The following GGA3 variants were observed in gnomAD, a reference collection of about 807,000 sequenced individuals.
GGA3 encodes golgi associated, gamma adaptin ear containing, ARF binding protein 3, also known as ADP-ribosylation factor-binding protein GGA3.
A neutral mutation model predicts 77.5 loss-of-function variants in GGA3; 57 were observed. That is an observed-to-expected ratio of 0.74 (90% CI 0.59 to 0.92). The LOEUF (loss-of-function observed/expected upper bound fraction) is 0.92, where lower values mean the gene tolerates loss of function less well. Ranked by LOEUF, GGA3 falls within the 40% of genes least tolerant of loss-of-function variation. GGA3 has a pLI of 0.00. For missense variants in GGA3, 970 were observed against 914.9 expected, an observed-to-expected ratio of 1.06 and a Z score of -0.78; for synonymous variants, 416 against 383.7, an observed-to-expected ratio of 1.08 and a Z score of -0.98.
chr17:75,240,545 C>T (rs985670881), intron 11 of GGA3, 133 bp from the exon 12 acceptor site: 3 of 690,730 alleles, frequency 4.3e-6, no homozygotes, highest in Non-Finnish European at 7.5e-6. Flanking sequence ...GTTCTGCAGG[C>T]AGCCTCCAGA....
intron 1 of GGA3, chr17:75,248,995 T>C: frequency 1.0e-6 from 1 of 984,926 alleles, no homozygotes; most frequent in Non-Finnish European, 1.2e-6. Context: ...TCCCCGGCAG[T>C]GTTTCTGTTG....
rs752228307 is a variant in GGA3, at chr17:75,238,915, T to C, written c.1949A>G (p.Lys650Arg). The change falls in exon 15 of 17, where the codon AAG (lysine) becomes AGG (arginine). Residue 650 changes from lysine to arginine, a missense_variant and splice_region_variant. Coordinates refer to ENST00000537686, the MANE Select transcript of GGA3 (RefSeq NM_138619.4). Reference sequence around the variant, plus strand: ...TTGGCCCCAGGGAGACACTGGTACCTTGGGCACTGCAGCCTGCAGCACGAT... The same window carrying C: ...TTGGCCCCAGGGAGACACTGGTACCCTGGGCACTGCAGCCTGCAGCACGAT... ...KSIVLQAAVP[K>R]SMKVKLQPPS... 2.5e-6 allele frequency: 4 copies of C among 1,613,672 alleles called. No homozygotes were observed. Among genetic ancestry groups the C allele is most frequent in the Admixed American group, 1.7e-5 (1 of 59,974 alleles).
chr17:75,246,577 T>A lies in GGA3; in HGVS notation c.133A>T (p.Ile45Phe). The change falls in exon 3 of 17, where the codon ATC becomes TTC. Residue 45 changes from isoleucine (I) to phenylalanine (F), a missense_variant. Coordinates refer to ENST00000537686, the MANE Select transcript of GGA3 (RefSeq NM_138619.4). ...TTGTGGGCCAGCAGTCGGACGGCGA[T>A]CTGTGGCCTGGGGGACAAGCAGAAC... ...QINKELEGPQ[I>F]AVRLLAHKIQ... 1 of 1,613,762 alleles carries A rather than the reference T, an allele frequency of 6.2e-7. No homozygotes were observed. Among genetic ancestry groups the A allele is most frequent in the East Asian group, 2.2e-5 (1 of 44,874 alleles).
In GGA3 at chr17:75,243,485, GCTT is replaced by G; in HGVS notation, c.383_385del (p.Glu128del). The G allele has an allele frequency of 1.2e-6, 2 of 1,614,180 alleles. No individual in the cohort carries two copies. Among genetic ancestry groups the G allele is most frequent in the Non-Finnish European group, 1.7e-6 (2 of 1,180,030 alleles). ...CATGTGGTAGGCGTCTTTGATCTTT[GCTT>G]CTTCTGGCAGGGCCATGGTCCAGCT... On this transcript the variant is annotated inframe_deletion, in exon 5 of 17. Coordinates refer to ENST00000537686, the MANE Select transcript of GGA3 (RefSeq NM_138619.4).
At chr17:75,242,592 G>A (rs1215690359) in intron 7 of GGA3, 119 bp from the exon 8 acceptor site, 29 of 1,169,396 alleles carry the variant, frequency 2.5e-5, no homozygotes, top group Non-Finnish European at 3.1e-5. Flanking sequence ...CTTTCAGTGT[G>A]GGGTGCCTGG....
chr17:75,255,020 ATCT>A (rs1654469169), intron 1 of GGA3, among the ~76,000 whole-genome samples: 1 of 152,280 alleles, frequency 6.6e-6, no homozygotes, highest in Admixed American at 6.5e-5. Flanking sequence ...TCCTTCCCAG[ATCT>A]TCTCGGCTTA....
At position 75,239,492 on chromosome 17, in the gene GGA3, T is replaced by A; in HGVS notation, c.1663A>T (p.Thr555Ser). 1 of 1,576,290 alleles carries A rather than the reference T, an allele frequency of 6.3e-7. No individual in the cohort carries two copies. Residue 555 changes from threonine to serine, a missense_variant, in exon 14 of 17, where the codon ACG (threonine) becomes TCG (serine). Coordinates refer to ENST00000537686, the MANE Select transcript of GGA3 (RefSeq NM_138619.4). ...TPARPLLPFS[T>S]GPGSPLFQPL... The stretch of plus-strand genomic sequence containing the variant: ...TGGAAGAGCGGGCTGCCGGGCCCCG[T>A]GGAGAAGGGCAGGAGGGGCCTGGCT...
rs1180688787 is a variant in GGA3, at chr17:75,242,886, T to C, written c.554A>G (p.Lys185Arg). ...GGCCTCCTGCAGGTCATCTGGGTTT[T>C]TGCTTTTCAGCAGCTTGGCTAAAAG... ...SKLLAKLLKSKNPDDLQEANK... is the reference protein window; with the variant it reads ...SKLLAKLLKSRNPDDLQEANK... Residue 185 changes from lysine to arginine, a missense_variant, in exon 7 of 17, where the codon AAA (lysine) becomes AGA (arginine). Transcript: ENST00000537686. 6.2e-7 allele frequency: 1 copy of C among 1,614,068 alleles called. No homozygotes were observed. The highest frequency in any genetic ancestry group is 8.5e-7 in the Non-Finnish European group (1 of 1,179,902).
At chr17:75,258,146 T>C (rs997781191) in intron 1 of GGA3, among the ~76,000 whole-genome samples, 4 of 152,188 alleles carry the variant, frequency 2.6e-5, no homozygotes, top group Non-Finnish European at 4.4e-5. Flanking sequence ...TCCCAAAACC[T>C]GTAAGAACTA....
intron 1 of GGA3, among the ~76,000 whole-genome samples, chr17:75,260,770 AAC>A (rs937095482): frequency 3.9e-5 from 6 of 152,232 alleles, no homozygotes; most frequent in African/African-American, 1.4e-4. Context: ...TAACCAGGTT[AAC>A]ACACATTTCC....
intron 3 of GGA3, 115 bp downstream of exon 3, chr17:75,246,394 C>G (rs2145531407): frequency 1.4e-6 from 1 of 709,786 alleles, no homozygotes; most frequent in Non-Finnish European, 2.5e-6. Flanking sequence ...TAGTCTGTAT[C>G]AAGGACTTTC....
At chr17:75,259,206 G>A (rs999653018) in intron 1 of GGA3, among the ~76,000 whole-genome samples, 16 of 151,924 alleles carry the variant, frequency 1.1e-4, no homozygotes, top group East Asian at 9.7e-4. Flanking sequence ...CACCCGCCTC[G>A]GCCTCCCAAC....
intron 1 of GGA3, among the ~76,000 whole-genome samples, chr17:75,259,887 C>T (rs544662091): frequency 6.6e-6 from 1 of 152,258 alleles, no homozygotes; most frequent in East Asian, 1.9e-4. Flanking sequence ...CGGTAGCTCA[C>T]GTGTGTAATC....
At chr17:75,250,078 C>T (rs888726055) in intron 1 of GGA3, among the ~76,000 whole-genome samples, 1 of 152,186 alleles carries the variant, frequency 6.6e-6, no homozygotes, top group Non-Finnish European at 1.5e-5. Context: ...AGAGCTCACC[C>T]GCCCACAGGA....
At position 75,256,873 on chromosome 17, in the gene GGA3, T is replaced by TGAGAAGGCCACTAC. The variant is rs1306178448; in HGVS notation, c.40+4674_40+4675insGTAGTGGCCTTCTC. Among the ~76,000 whole-genome samples the TGAGAAGGCCACTAC allele has an allele frequency of 9.2e-5, 14 of 152,268 alleles. No homozygotes were observed. In the South Asian group the frequency reaches 2.9e-3, roughly 32 times the overall value. On this transcript the variant is annotated intron_variant, in intron 1 of 16. Coordinates refer to ENST00000537686, the MANE Select transcript of GGA3 (RefSeq NM_138619.4). The stretch of plus-strand genomic sequence containing the variant: ...CACTTTCACTAGGTAAGTAGAGGCC[T>TGAGAAGGCCACTAC]TTCCTACAGGGTCTGAGAAGGCCAC...
At chr17:75,243,651 C>T (rs955640733) in intron 4 of GGA3, 81 bp from the exon 5 acceptor site, 42 of 1,375,294 alleles carry the variant, frequency 3.1e-5, no homozygotes, top group Admixed American at 2.6e-4. Context: ...ACAGCAATGG[C>T]GTGGCTGCTC....
chr17:75,248,467 T>TGAAAAAAAAAA (rs1330796144), intron 1 of GGA3, among the ~76,000 whole-genome samples: 1 of 1,842 alleles, frequency 5.4e-4, no homozygotes, highest in Admixed American at 0.015. Context: ...AGACTCCGTC[T>TGAAAAAAAAAA]CAAAAAAAAA....
Position 75,241,140 on chromosome 17 carries a change from A to G in GGA3, c.947-83T>C, listed in dbSNP as rs1482008050. On this transcript the variant is annotated intron_variant, in intron 10 of 16. Transcript: ENST00000537686. ...GCAGGAGGCAGCACCCTAGGCACAG[A>G]GGTCACTGCTACAGCCTCTGGCCTA... 4 of 1,477,084 alleles carry G rather than the reference A, an allele frequency of 2.7e-6. No homozygotes were observed. The East Asian group carries it at 6.8e-5, about 25-fold the overall frequency. 91.5% of individuals were successfully genotyped at this position (1,477,084 alleles called of 1,614,324 possible). A position where few individuals can be genotyped will look rare whatever the true frequency, so the allele number is the denominator to read the frequency against.
At chr17:75,238,485 C>CT (rs765347202) in intron 16 of GGA3, 96 bp from the exon 17 acceptor site, 2 of 1,132,534 alleles carry the variant, frequency 1.8e-6, no homozygotes, top group Non-Finnish European at 2.6e-6. Context: ...GGAATGGTCC[C>CT]TTTTCCCCGC....
Sources: gnomAD v4.1 joint callset for allele counts (sites outside exome capture counted in the v4.1 genomes callset) on GRCh38, gnomAD v4.1.1 for gene constraint, MANE v1.5 for transcripts, NCBI Gene and HGNC (gene_info 2026-07-23, HGNC 2026-07-21) for gene names.